The following TSHB variants were observed in gnomAD, a reference collection of about 807,000 sequenced individuals.
The protein encoded by TSHB is thyroid stimulating hormone subunit beta, also known as thyrotropin subunit beta.
A neutral mutation model predicts 9.3 loss-of-function variants in TSHB; 9 were observed. The observed-to-expected ratio is 0.97, with a 90% confidence interval of 0.58 to 1.69. The LOEUF (loss-of-function observed/expected upper bound fraction) is 1.69. Among genes scored for constraint, TSHB ranks in the 40% most tolerant of loss-of-function variants. TSHB has a pLI of 0.00. For missense variants in TSHB, 182 were observed against 168.5 expected (o/e 1.08, Z -0.44); for synonymous variants, 57 against 57.2 (o/e 1.00, Z 0.01).
Position 115,033,534 on chromosome 1 carries a change from T to C in TSHB, c.162+10T>C. On this transcript the variant is annotated intron_variant, in intron 2 of 2. Transcript: ENST00000256592. ...ATATTGTATGACACGGGTATGTAGT[T>C]CATGTCACTTCTTTTGGCTGTAAAT... 1 of 1,610,116 alleles carries C rather than the reference T, an allele frequency of 6.2e-7. No homozygotes were observed. The highest frequency in any genetic ancestry group is 8.5e-7 in the Non-Finnish European group (1 of 1,176,436).
At chr1:115,032,319 C>T (rs1265185575) in intron 1 of TSHB, among the ~76,000 whole-genome samples, 1 of 151,760 alleles carries the variant, frequency 6.6e-6, no homozygotes, top group Non-Finnish European at 1.5e-5. Flanking sequence ...CCTGGTTAAC[C>T]AAGGCCGAAC....
At position 115,033,408 on chromosome 1, in the gene TSHB, G is replaced by A; in HGVS notation, c.46G>A (p.Gly16Arg). 1 of 1,613,346 alleles carries A rather than the reference G, an allele frequency of 6.2e-7. No homozygotes were observed. The highest frequency in any genetic ancestry group is 1.1e-5 in the South Asian group (1 of 91,060). The change falls in exon 2 of 3, where the codon GGG (glycine) becomes AGG (arginine). Residue 16 changes from glycine (G) to arginine (R), a missense_variant. Physicochemically the swap from Gly to Arg is moderately radical, Grantham distance 125 (BLOSUM62 -2). Coordinates refer to ENST00000256592, the MANE Select transcript of TSHB (RefSeq NM_000549.5). ...GTCCATGCTTTTTGGCCTTACATGT[G>A]GGCAAGCGATGTCTTTTTGTATTCC... ...LMSMLFGLTC[G>R]QAMSFCIPTE... is the part of the protein sequence containing the mutation.
chr1:115,031,041 A>G (rs1385822336), intron 1 of TSHB, among the ~76,000 whole-genome samples: 1 of 152,050 alleles, frequency 6.6e-6, no homozygotes, highest in Non-Finnish European at 1.5e-5. Flanking sequence ...TTTATCATAT[A>G]GAATTACAGA....
chr1:115,034,126 G>A lies in TSHB; in HGVS notation c.316G>A (p.Gly106Ser). Residue 106 changes from glycine (G) to serine (S), a missense_variant, in exon 3 of 3, where the codon GGC (glycine) becomes AGC (serine). Transcript: ENST00000256592. ...SYPVALSCKC[G>S]KCNTDYSDCI... ...TCCTGTTGCTTTAAGCTGTAAGTGT[G>A]GCAAGTGCAATACTGACTATAGTGA... 6.2e-7 allele frequency: 1 copy of A among 1,613,762 alleles called. No individual in the cohort carries two copies. The highest frequency in any genetic ancestry group is 1.6e-4 in the Middle Eastern group (1 of 6,062).
At chr1:115,030,992 A>G (rs1456039667) in intron 1 of TSHB, among the ~76,000 whole-genome samples, 1 of 131,708 alleles carries the variant, frequency 7.6e-6, no homozygotes, top group Non-Finnish European at 1.7e-5. Flanking sequence ...TAGAATTTAG[A>G]TCACTAACTC....
intron 1 of TSHB, among the ~76,000 whole-genome samples, chr1:115,030,531 A>G (rs1266918788): frequency 2.0e-5 from 3 of 152,040 alleles, no homozygotes; most frequent in Non-Finnish European, 2.9e-5. Flanking sequence ...AGAATGAAGC[A>G]TTGGGAGCAA....
rs771834192 is a variant in TSHB at position 115,034,038 on chromosome 1, CT to C, written c.230del (p.Phe77SerfsTer6). 1 of 1,613,820 alleles carries C rather than the reference CT, an allele frequency of 6.2e-7. No individual in the cohort carries two copies. Among genetic ancestry groups the C allele is most frequent in the Non-Finnish European group, 8.5e-7 (1 of 1,179,792 alleles). ...LSQDVCTYRD[F>X]IYRTVEIPGC... The stretch of plus-strand genomic sequence containing the variant: ...CCCAGGATGTTTGCACATATAGAGA[CT>C]TCATCTACAGGACTGTAGAAATACC... On this transcript the variant is annotated frameshift_variant, in exon 3 of 3. Coordinates refer to ENST00000256592, the MANE Select transcript of TSHB (RefSeq NM_000549.5). LOFTEE classifies it high-confidence loss of function.
In TSHB at chr1:115,034,281, A is replaced by G. The variant is rs1433863347; in HGVS notation, c.*54A>G. 2 of 1,563,576 alleles carry G rather than the reference A, an allele frequency of 1.3e-6. No homozygotes were observed. The highest frequency in any genetic ancestry group is 1.7e-5 in the Admixed American group (1 of 59,738). ...TGTGCTTGCCTGAAATAAAGCTAAT[A>G]AAAATATTATGTTTCACATTATCTT... On this transcript the variant is annotated 3_prime_UTR_variant, in exon 3 of 3. Coordinates refer to ENST00000256592, the MANE Select transcript of TSHB (RefSeq NM_000549.5).
At chr1:115,030,054 G>A (rs1437521062) in intron 1 of TSHB, among the ~76,000 whole-genome samples, 194 bp downstream of exon 1, 1 of 152,008 alleles carries the variant, frequency 6.6e-6, no homozygotes, top group East Asian at 1.9e-4. Flanking sequence ...CCTACATAAG[G>A]ATAAGGAAAA....
chr1:115,033,408 G>C lies in TSHB; in HGVS notation c.46G>C (p.Gly16Arg), dbSNP rs1466829258. 3.1e-6 allele frequency: 5 copies of C among 1,613,346 alleles called. No individual in the cohort carries two copies. The highest frequency in any genetic ancestry group is 4.2e-6 in the Non-Finnish European group (5 of 1,179,420). ...LMSMLFGLTC[G>R]QAMSFCIPTE... The stretch of plus-strand genomic sequence containing the variant: ...GTCCATGCTTTTTGGCCTTACATGT[G>C]GGCAAGCGATGTCTTTTTGTATTCC... Residue 16 changes from glycine (G) to arginine (R), a missense_variant, in exon 2 of 3, where the codon GGG (glycine) becomes CGG (arginine). Physicochemically the swap from Gly to Arg is moderately radical, Grantham distance 125. Coordinates refer to ENST00000256592, the MANE Select transcript of TSHB (RefSeq NM_000549.5).
Position 115,034,007 on chromosome 1 carries a change from C to T in TSHB, c.197C>T (p.Ala66Val), listed in dbSNP as rs1238303296. The stretch of plus-strand genomic sequence containing the variant: ...GGCAAACTGTTTCTTCCCAAATATG[C>T]TCTGTCCCAGGATGTTTGCACATAT... ...INGKLFLPKY[A>V]LSQDVCTYRD... is the part of the protein sequence containing the mutation. The change falls in exon 3 of 3, where the codon GCT (alanine) becomes GTT (valine). Residue 66 changes from alanine (A) to valine (V), a missense_variant. Ala to Val is a moderately conservative substitution (Grantham distance 64). Coordinates refer to ENST00000256592, the MANE Select transcript of TSHB (RefSeq NM_000549.5). 6.2e-7 allele frequency: 1 copy of T among 1,613,742 alleles called. No homozygotes were observed. The highest frequency in any genetic ancestry group is 8.5e-7 in the Non-Finnish European group (1 of 1,179,720).
intron 1 of TSHB, among the ~76,000 whole-genome samples, chr1:115,032,636 T>G (rs1674918265): frequency 6.6e-6 from 1 of 151,988 alleles, no homozygotes; most frequent in South Asian, 2.1e-4. Context: ...GGTGATCAAC[T>G]TACATTCAAA....
intron 2 of TSHB, 190 bp from the exon 3 acceptor site, chr1:115,033,783 A>G (rs756310019): frequency 1.6e-5 from 5 of 303,894 alleles, no homozygotes; most frequent in Non-Finnish European, 1.9e-5. Flanking sequence ...GATGAAAGAG[A>G]GGAGGGTCTC....
At position 115,034,075 on chromosome 1, in the gene TSHB, C is replaced by T. The variant is rs377766859; in HGVS notation, c.265C>T (p.Leu89Phe). The T allele has an allele frequency of 1.1e-5, 18 of 1,613,692 alleles. No individual in the cohort carries two copies. Among genetic ancestry groups the T allele is most frequent in the Admixed American group, 5.0e-5 (3 of 59,968 alleles). Reference sequence around the variant, plus strand: ...GACTGTAGAAATACCAGGATGCCCACTCCATGTTGCTCCCTATTTTTCCTA... The same window carrying T: ...GACTGTAGAAATACCAGGATGCCCATTCCATGTTGCTCCCTATTTTTCCTA... ...YRTVEIPGCP[L>F]HVAPYFSYPV... The change falls in exon 3 of 3, where the codon CTC becomes TTC. Residue 89 changes from leucine to phenylalanine, a missense_variant. Transcript: ENST00000256592.
intron 1 of TSHB, among the ~76,000 whole-genome samples, chr1:115,031,622 C>G (rs1674895543): frequency 6.6e-6 from 1 of 151,958 alleles, no homozygotes; most frequent in South Asian, 2.1e-4. Context: ...CAAGCAAGAA[C>G]TATAATGGCC....
At chr1:115,033,015 T>TC (rs1674929151) in intron 1 of TSHB, among the ~76,000 whole-genome samples, 2 of 151,614 alleles carry the variant, frequency 1.3e-5, no homozygotes, top group Admixed American at 1.3e-4. Context: ...CTTTTTTTTT[T>TC]TTTTGCCTGT....
At chr1:115,032,523 A>AT (rs1674914343) in intron 1 of TSHB, among the ~76,000 whole-genome samples, 1 of 151,988 alleles carries the variant, frequency 6.6e-6, no homozygotes, top group Non-Finnish European at 1.5e-5. Context: ...TAAGGTATAT[A>AT]TTTTCTTTAC....
intron 1 of TSHB, among the ~76,000 whole-genome samples, chr1:115,033,052 C>A (rs192864018): frequency 2.0e-5 from 3 of 147,580 alleles, no homozygotes; most frequent in African/African-American, 7.5e-5. Flanking sequence ...AAATTACATA[C>A]CTGTTCTGTG....
chr1:115,032,695 T>C (rs1283011796), intron 1 of TSHB, among the ~76,000 whole-genome samples: 1 of 152,026 alleles, frequency 6.6e-6, no homozygotes, highest in East Asian at 1.9e-4. Context: ...AAAATAATTA[T>C]GTCATAACAT....
Sources: allele counts gnomAD v4.1 joint callset (sites outside exome capture counted in the v4.1 genomes callset), GRCh38; gene constraint gnomAD v4.1.1; transcripts MANE v1.5; gene names NCBI Gene and HGNC (gene_info 2026-07-23, HGNC 2026-07-21).